SLC14A2: variants seen among roughly 807,000 people sequenced by gnomAD.
SLC14A2 encodes the protein solute carrier family 14 member 2, also known as urea transporter 2.
In SLC14A2, 91 loss-of-function variants were observed where a neutral mutation model predicts 104.6. That is an observed-to-expected ratio of 0.87 (90% CI 0.73 to 1.04). SLC14A2 has a LOEUF of 1.04. SLC14A2 is among the 50% of genes least tolerant of loss of function. The pLI is 0.00. For synonymous variants in SLC14A2, 476 were observed against 466.4 expected (o/e 1.02, Z -0.27); for missense variants, 1,189 against 1,156.0 (o/e 1.03, Z -0.41).
chr18:45,406,935 A>T (rs1216334979), intron 1 of SLC14A2, among the ~76,000 whole-genome samples: 1 of 152,228 alleles, frequency 6.6e-6, no homozygotes, highest in African/African-American at 2.4e-5. Context: ...CTGATAGAGC[A>T]TAGGCATAGT....
chr18:45,218,690 T>C (rs889474629), intron 1 of SLC14A2, among the ~76,000 whole-genome samples: 1 of 152,222 alleles, frequency 6.6e-6, no homozygotes, highest in Non-Finnish European at 1.5e-5. Flanking sequence ...TTAAGCTCTC[T>C]TTCTTCTGCA....
At chr18:45,339,786 T>G (rs2085375452) in intron 1 of SLC14A2, among the ~76,000 whole-genome samples, 1 of 152,166 alleles carries the variant, frequency 6.6e-6, no homozygotes, top group Non-Finnish European at 1.5e-5. Flanking sequence ...TTTGATGGCA[T>G]AGTCCATGGG....
intron 1 of SLC14A2, among the ~76,000 whole-genome samples, chr18:45,311,771 G>T (rs1004817887): frequency 6.6e-6 from 1 of 152,214 alleles, no homozygotes; most frequent in Non-Finnish European, 1.5e-5. Flanking sequence ...GAGAAAGGGG[G>T]TGTTGGAACC....
At chr18:45,498,720 C>T (rs1279717486) in intron 2 of SLC14A2, among the ~76,000 whole-genome samples, 1 of 152,176 alleles carries the variant, frequency 6.6e-6, no homozygotes, top group Non-Finnish European at 1.5e-5. Flanking sequence ...TAGTCTTCCT[C>T]CCATTTTAAG....
intron 1 of SLC14A2, among the ~76,000 whole-genome samples, chr18:45,220,806 G>A (rs2084054310): frequency 6.6e-6 from 1 of 152,176 alleles, no homozygotes; most frequent in African/African-American, 2.4e-5. Context: ...TTATTTTCTT[G>A]TGGTTCTCGA....
chr18:45,570,276 C>T (rs1162451402), intron 2 of SLC14A2, among the ~76,000 whole-genome samples: 1 of 152,206 alleles, frequency 6.6e-6, no homozygotes, highest in African/African-American at 2.4e-5. Context: ...AATTCTATGA[C>T]ATCTGATACG....
intron 1 of SLC14A2, among the ~76,000 whole-genome samples, chr18:45,277,567 C>T (rs2084715433): frequency 6.6e-6 from 1 of 152,104 alleles, no homozygotes; most frequent in African/African-American, 2.4e-5. Flanking sequence ...TGCCACCACA[C>T]CCAGCTAATA....
rs28522845 is a variant in SLC14A2 at position 45,635,692 on chromosome 18, G to A, written c.651-1298G>A. Among the ~76,000 whole-genome samples, 1,351 of 152,280 alleles carry A rather than the reference G, an allele frequency of 8.9e-3. 18 individuals are homozygous for A. Among genetic ancestry groups the A allele is most frequent in the African/African-American group, 0.031 (1,297 of 41,568 alleles). ...ACTGCCCGAAGGGGAGCAGAGAAAC[G>A]GAGCCACAGCTGGAGTGGCCATCAG... On this transcript the variant is annotated intron_variant, in intron 5 of 19. Transcript: ENST00000255226.
intron 1 of SLC14A2, among the ~76,000 whole-genome samples, chr18:45,366,485 T>C (rs2085667057): frequency 2.0e-5 from 3 of 152,180 alleles, no homozygotes; most frequent in Admixed American, 1.3e-4. Context: ...CAGTGTGCAA[T>C]GTGGAAGATG....
the SLC14A2 span, among the ~76,000 whole-genome samples, chr18:45,186,101 T>C: frequency 2.6e-5 from 4 of 152,234 alleles, no homozygotes; most frequent in Non-Finnish European, 5.9e-5. Flanking sequence ...CAGTCTTTTT[T>C]GTTGTTGAAA....
chr18:45,675,707 ATATTT>A (rs553419915), intron 18 of SLC14A2, among the ~76,000 whole-genome samples: 8,304 of 82,292 alleles, frequency 0.1, 237 homozygotes, highest in East Asian at 0.29. Context: ...ATATATATAT[ATATTT>A]TTTTTTTTTT....
chr18:45,548,180 A>T (rs2044002575), intron 2 of SLC14A2, among the ~76,000 whole-genome samples: 1 of 152,224 alleles, frequency 6.6e-6, no homozygotes, highest in Non-Finnish European at 1.5e-5. Flanking sequence ...GTTCTTCAAA[A>T]GGAAACAGGA....
intron 1 of SLC14A2, among the ~76,000 whole-genome samples, chr18:45,217,390 CA>C (rs1257357415): frequency 6.6e-6 from 1 of 151,088 alleles, no homozygotes; most frequent in Non-Finnish European, 1.5e-5. Flanking sequence ...CAACATCTAC[CA>C]AAAAGAAGAA....
At chr18:45,231,880 G>A (rs1307547821) in intron 1 of SLC14A2, among the ~76,000 whole-genome samples, 2 of 152,144 alleles carry the variant, frequency 1.3e-5, no homozygotes, top group Admixed American at 6.5e-5. Context: ...GGTGATGAAA[G>A]CAATTCTTCA....
intron 2 of SLC14A2, among the ~76,000 whole-genome samples, chr18:45,552,655 C>T (rs1000769398): frequency 2.6e-5 from 4 of 152,118 alleles, no homozygotes; most frequent in Non-Finnish European, 4.4e-5. Context: ...AGTGTCATGG[C>T]AGGCAGTGGT....
At chr18:45,454,232 A>T (rs1173326696) in intron 1 of SLC14A2, among the ~76,000 whole-genome samples, 2 of 152,158 alleles carry the variant, frequency 1.3e-5, no homozygotes, top group Non-Finnish European at 1.5e-5. Flanking sequence ...GAAACATTCT[A>T]ATCCTCAACT....
chr18:45,672,853 G>T (rs1423968408), intron 16 of SLC14A2, 47 bp from the exon 17 acceptor site: 3 of 1,564,882 alleles, frequency 1.9e-6, no homozygotes, highest in Admixed American at 3.7e-5. Flanking sequence ...AGGTCAAGTT[G>T]TCTCTTTTGC....
At chr18:45,449,804 G>A (rs552119466) in intron 1 of SLC14A2, among the ~76,000 whole-genome samples, 82 of 152,278 alleles carry the variant, frequency 5.4e-4, no homozygotes, top group African/African-American at 1.7e-3. Flanking sequence ...GGCCCAAAAC[G>A]TGTGGGCTTA....
chr18:45,241,606 T>A (rs2084316619), intron 1 of SLC14A2, among the ~76,000 whole-genome samples: 1 of 151,640 alleles, frequency 6.6e-6, no homozygotes, highest in African/African-American at 2.4e-5. Context: ...CAGCCTTTGC[T>A]GACTTATTTG....
Sources: gnomAD v4.1 joint callset for allele counts (sites outside exome capture counted in the v4.1 genomes callset) on GRCh38, gnomAD v4.1.1 for gene constraint, MANE v1.5 for transcripts, NCBI Gene and HGNC (gene_info 2026-07-23, HGNC 2026-07-21) for gene names.